SLC4A5: variants seen among roughly 807,000 people sequenced by gnomAD.
SLC4A5 encodes solute carrier family 4 member 5.
A neutral mutation model predicts 120.4 loss-of-function variants in SLC4A5; 96 were observed. The observed-to-expected ratio is 0.80, with a 90% CI of 0.68 to 0.94. The LOEUF (loss-of-function observed/expected upper bound fraction) is 0.94. Among genes scored for constraint, SLC4A5 ranks in the 40% least tolerant of loss-of-function variants. The pLI, the probability that SLC4A5 is intolerant of heterozygous loss-of-function variation, is 0.00. For missense variants in SLC4A5, 1,259 were observed against 1,459.5 expected (o/e 0.86, Z 2.24); for synonymous variants, 550 against 571.1 (o/e 0.96, Z 0.53).
intron 17 of SLC4A5, 68 bp from the exon 18 acceptor site, chr2:74,248,554 C>A (rs570875484): frequency 7.6e-6 from 12 of 1,578,174 alleles, no homozygotes; most frequent in South Asian, 6.9e-5. Context: ...AGGCTGCAGC[C>A]CCAGCGATCT....
At chr2:74,263,812 CTCTT>C (rs998531309) in intron 10 of SLC4A5, among the ~76,000 whole-genome samples, 7 of 152,348 alleles carry the variant, frequency 4.6e-5, no homozygotes, top group African/African-American at 1.7e-4. Flanking sequence ...ATTCTAACTT[CTCTT>C]TTTCTAGGCC....
At chr2:74,342,854 T>A (rs1270032408) in intron 1 of SLC4A5, among the ~76,000 whole-genome samples, 1 of 152,194 alleles carries the variant, frequency 6.6e-6, no homozygotes, top group African/African-American at 2.4e-5. Context: ...GTCTCATGTT[T>A]TCTGGACTCC....
intron 21 of SLC4A5, among the ~76,000 whole-genome samples, chr2:74,238,214 A>G (rs980665236): frequency 7.2e-5 from 11 of 152,184 alleles, no homozygotes; most frequent in African/African-American, 2.2e-4. Flanking sequence ...AGACTTAAAG[A>G]TCAAAATGTA....
In SLC4A5 at chr2:74,308,341, C is replaced by T. The variant is rs186269064; in HGVS notation, c.80-3661G>A. Among the ~76,000 whole-genome samples, 119 of 152,326 alleles carry T rather than the reference C, an allele frequency of 7.8e-4. 1 individual carries two copies. Among genetic ancestry groups the T allele is most frequent in the Admixed American group, 4.8e-3 (73 of 15,294 alleles). On this transcript the variant is annotated intron_variant, in intron 6 of 30. Transcript: ENST00000394019. ...GTGGTTATATCGTTTGCATTCCCACCAGCAATGGAAGAGCATTTCCTATTG... is the reference window on the plus strand; with the variant it reads ...GTGGTTATATCGTTTGCATTCCCACTAGCAATGGAAGAGCATTTCCTATTG...
chr2:74,224,778 G>A, intron 28 of SLC4A5, 62 bp downstream of exon 28: 1 of 1,567,850 alleles, frequency 6.4e-7, no homozygotes, highest in African/African-American at 1.4e-5. Flanking sequence ...CCTGTCCCTG[G>A]CAAAAGTGGA....
chr2:74,330,533 G>A (rs1673331273), intron 4 of SLC4A5, among the ~76,000 whole-genome samples: 2 of 151,474 alleles, frequency 1.3e-5, no homozygotes, highest in Admixed American at 6.6e-5. Context: ...AGGTCTAGAT[G>A]GAGGTGTATG....
exon 6 of SLC4A5, chr2:74,314,982 G>A: frequency 6.2e-7 from 1 of 1,613,968 alleles, no homozygotes; most frequent in Non-Finnish European, 8.5e-7. Flanking sequence ...GGTTAGTGTG[G>A]TCCAGCTTTC....
Position 74,307,635 on chromosome 2 carries a change from C to CA in SLC4A5, c.80-2956dup, listed in dbSNP as rs969848024. On this transcript the variant is annotated intron_variant, in intron 6 of 30. Transcript: ENST00000394019. ...CTCAATGGTCTTGAAGTAATGGCTC[C>CA]AGTCTCTGACCTGGGGTCCCTTCTT... is the stretch of plus-strand genomic sequence containing the variant. 9 of 959,788 alleles carry CA rather than the reference C, an allele frequency of 9.4e-6. No individual in the cohort carries two copies. In the African/African-American group the frequency reaches 1.4e-4, roughly 15 times the overall value. The allele number at this position is 959,788 out of a possible 1,614,324, so 59.5% of individuals were successfully genotyped here. A position where few individuals can be genotyped will look rare whatever the true frequency, so the allele number is the denominator to read the frequency against.
chr2:74,250,311 C>T, intron 17 of SLC4A5, 32 bp downstream of exon 17: 1 of 1,602,918 alleles, frequency 6.2e-7, no homozygotes, highest in South Asian at 1.1e-5. Context: ...GCAGATCTTA[C>T]TTTTACACTC....
chr2:74,322,847 A>G (rs1673129642), intron 5 of SLC4A5, among the ~76,000 whole-genome samples: 1 of 152,172 alleles, frequency 6.6e-6, no homozygotes. Context: ...GAAAAGAAAG[A>G]TCCCAAAAAC....
At chr2:74,321,654 G>C (rs1673100878) in intron 5 of SLC4A5, among the ~76,000 whole-genome samples, 1 of 151,742 alleles carries the variant, frequency 6.6e-6, no homozygotes, top group African/African-American at 2.4e-5. Context: ...TGTCAGTAAG[G>C]GAAAAAGGGA....
intron 10 of SLC4A5, among the ~76,000 whole-genome samples, chr2:74,262,465 T>A (rs1419189908): frequency 6.7e-6 from 1 of 150,284 alleles, no homozygotes; most frequent in Non-Finnish European, 1.5e-5. Context: ...TTTGGGAGGC[T>A]GAGGTGGGTG....
chr2:74,312,605 C>T (rs1310211716), intron 6 of SLC4A5, among the ~76,000 whole-genome samples: 1 of 152,088 alleles, frequency 6.6e-6, no homozygotes, highest in African/African-American at 2.4e-5. Context: ...ACATCCTCTG[C>T]CTTTTAATTG....
chr2:74,334,755 C>T (rs543272940), intron 3 of SLC4A5, among the ~76,000 whole-genome samples: 1 of 151,546 alleles, frequency 6.6e-6, no homozygotes, highest in South Asian at 2.1e-4. Flanking sequence ...ACTGCAATTT[C>T]CTCAACTGAA....
At chr2:74,246,959 G>T in intron 19 of SLC4A5, 77 bp downstream of exon 19, 1 of 1,550,630 alleles carries the variant, frequency 6.4e-7, no homozygotes, top group Non-Finnish European at 8.8e-7. Flanking sequence ...AGCAGTAGAA[G>T]TAGAGAGCTG....
intron 5 of SLC4A5, among the ~76,000 whole-genome samples, chr2:74,318,609 C>G (rs538466672): frequency 6.6e-6 from 1 of 152,028 alleles, no homozygotes; most frequent in African/African-American, 2.4e-5. Context: ...TCACTTGAAC[C>G]CAGAAGGCAG....
At chr2:74,280,862 T>G (rs963632364) in intron 8 of SLC4A5, among the ~76,000 whole-genome samples, 1 of 152,054 alleles carries the variant, frequency 6.6e-6, no homozygotes. Flanking sequence ...TTTTTTTGTA[T>G]TTTTAGTAGA....
chr2:74,256,945 C>T (rs747336355), intron 12 of SLC4A5, among the ~76,000 whole-genome samples: 5 of 152,160 alleles, frequency 3.3e-5, no homozygotes, highest in Admixed American at 1.3e-4. Flanking sequence ...CTGAAGAGAG[C>T]GCCTGTGAAC....
At chr2:74,341,419 C>T (rs1036527114) in intron 2 of SLC4A5, among the ~76,000 whole-genome samples, 2 of 152,046 alleles carry the variant, frequency 1.3e-5, no homozygotes, top group Non-Finnish European at 1.5e-5. Flanking sequence ...TGCACATTAG[C>T]TTTAATTGTT....
Sources: gnomAD v4.1 joint callset for allele counts (sites outside exome capture counted in the v4.1 genomes callset) on GRCh38, gnomAD v4.1.1 for gene constraint, MANE v1.5 for transcripts, NCBI Gene and HGNC (gene_info 2026-07-23, HGNC 2026-07-21) for gene names.